Variants in ZPBP observed in about 807,000 individuals in gnomAD.
ZPBP encodes zona pellucida-binding protein 1.
ZPBP carries 26 observed loss-of-function variants against 44.8 expected under a neutral mutation model. The ratio of observed to expected loss-of-function variants is 0.58; its 90% confidence interval spans 0.43 to 0.81. ZPBP has a LOEUF of 0.81. Ranked by LOEUF, ZPBP falls within the 30% of genes least tolerant of loss-of-function variation. ZPBP has a pLI of 0.00. For missense variants in ZPBP, 409 were observed against 434.0 expected (o/e 0.94, Z 0.51); for synonymous variants, 174 against 153.2 (o/e 1.14, Z -1.00).
chr7:49,844,996 C>T, the ZPBP span, among the ~76,000 whole-genome samples: 11 of 152,178 alleles, frequency 7.2e-5, no homozygotes, highest in African/African-American at 2.4e-4. Flanking sequence ...AATTCACTTT[C>T]GTCCTCATTT....
intron 7 of ZPBP, among the ~76,000 whole-genome samples, chr7:49,957,884 T>A (rs1795680337): frequency 6.6e-6 from 1 of 152,146 alleles, no homozygotes. Context: ...CTACAAGAGC[T>A]GTTGTTTGAG....
chr7:50,070,585 A>G (rs1037695483), intron 3 of ZPBP, among the ~76,000 whole-genome samples: 1 of 152,320 alleles, frequency 6.6e-6, no homozygotes, highest in South Asian at 2.1e-4. Flanking sequence ...AGCCCCCAGA[A>G]ATGTAGTGGA....
chr7:49,845,341 T>C, the ZPBP span, among the ~76,000 whole-genome samples: 7 of 152,214 alleles, frequency 4.6e-5, no homozygotes, highest in African/African-American at 1.7e-4. Context: ...TCTAGGACTC[T>C]ATCCATCTGT....
intron 4 of ZPBP, among the ~76,000 whole-genome samples, chr7:50,054,522 C>A (rs1050393888): frequency 6.6e-6 from 1 of 152,036 alleles, no homozygotes; most frequent in Non-Finnish European, 1.5e-5. Flanking sequence ...CCATTTTATA[C>A]CTAGTGTCTT....
intron 7 of ZPBP, among the ~76,000 whole-genome samples, chr7:49,980,310 T>TAAATATATAATATATATAATA (rs1449311668): frequency 9.3e-5 from 3 of 32,200 alleles, no homozygotes; most frequent in East Asian, 5.3e-3. Flanking sequence ...ATATATAATA[T>TAAATATATAATATATATAATA]AAATATATAA....
At chr7:50,028,327 A>G (rs1799430153) in intron 5 of ZPBP, among the ~76,000 whole-genome samples, 2 of 152,026 alleles carry the variant, frequency 1.3e-5, no homozygotes, top group African/African-American at 4.8e-5. Context: ...TAAAAGTAGT[A>G]CTTAACAAAA....
intron 4 of ZPBP, among the ~76,000 whole-genome samples, chr7:50,042,567 TA>T (rs759512640): frequency 2.0e-5 from 3 of 152,060 alleles, no homozygotes; most frequent in Non-Finnish European, 2.9e-5. Context: ...CCAGGCAAAC[TA>T]AGCTTCATAA....
intron 6 of ZPBP, among the ~76,000 whole-genome samples, chr7:49,988,043 C>A (rs573470187): frequency 6.6e-6 from 1 of 151,900 alleles, no homozygotes; most frequent in Admixed American, 6.6e-5. Context: ...ATTAATCTTG[C>A]GAAAGAAATT....
intron 3 of ZPBP, among the ~76,000 whole-genome samples, chr7:50,076,301 C>T (rs918858191): frequency 2.6e-5 from 4 of 151,892 alleles, no homozygotes; most frequent in Non-Finnish European, 4.4e-5. Flanking sequence ...CAACAGACCA[C>T]AGCCAGTATC....
intron 6 of ZPBP, among the ~76,000 whole-genome samples, chr7:49,995,789 T>C (rs1797803526): frequency 6.6e-6 from 1 of 152,196 alleles, no homozygotes. Context: ...AAATATCATA[T>C]GTTCTCATTC....
intron 1 of ZPBP, among the ~76,000 whole-genome samples, chr7:49,924,136 A>T (rs1048088376): frequency 6.7e-5 from 10 of 149,460 alleles, no homozygotes; most frequent in Middle Eastern, 3.5e-3. Flanking sequence ...TAATAATAAT[A>T]AATAATAATA....
chr7:49,877,484 ATAT>A lies in ZPBP; in HGVS notation n.509+23631_509+23633del, dbSNP rs1791480132. Among the ~76,000 whole-genome samples the A allele has an allele frequency of 1.6e-3, 42 of 26,574 alleles. 4 individuals carry two copies. Among genetic ancestry groups the A allele is most frequent in the East Asian group, 8.7e-3 (6 of 686 alleles). 17.4% of individuals were successfully genotyped at this position (26,574 alleles called of 152,430 possible). ...TCTCAAAAAAAAAAAAAAAAAAAAT[ATAT>A]ATATATATATATATATATATATATA... On this transcript the variant is annotated intron_variant and non_coding_transcript_variant, in intron 2 of 2. Transcript: ENST00000465922.
At chr7:49,956,821 C>T (rs1014090765) in intron 7 of ZPBP, among the ~76,000 whole-genome samples, 3 of 151,950 alleles carry the variant, frequency 2.0e-5, no homozygotes, top group Non-Finnish European at 4.4e-5. Context: ...AGCAAAGAAA[C>T]AAGAATAGCT....
At chr7:50,014,924 A>T (rs1209847534) in intron 6 of ZPBP, among the ~76,000 whole-genome samples, 2 of 152,178 alleles carry the variant, frequency 1.3e-5, no homozygotes, top group Non-Finnish European at 2.9e-5. Flanking sequence ...ATAAGATGCT[A>T]ACACAAGATG....
chr7:50,089,799 G>T, intron 1 of ZPBP, 90 bp from the exon 2 acceptor site: 1 of 1,006,980 alleles, frequency 9.9e-7, no homozygotes, highest in South Asian at 1.4e-5. Flanking sequence ...TTGGTTGAAG[G>T]GGAGAGCCAT....
chr7:49,859,974 A>G (rs918835819), intron 2 of ZPBP, among the ~76,000 whole-genome samples: 2 of 151,718 alleles, frequency 1.3e-5, no homozygotes, highest in African/African-American at 2.4e-5. Flanking sequence ...GTATAAATAT[A>G]TACTTATATT....
At chr7:50,034,922 C>G (rs144057745) in intron 4 of ZPBP, among the ~76,000 whole-genome samples, 88 of 152,218 alleles carry the variant, frequency 5.8e-4, no homozygotes, top group Admixed American at 2.7e-3. Context: ...ATTTCTTCCC[C>G]AAATATTGAG....
chr7:49,970,995 G>T (rs1422832042), intron 7 of ZPBP, among the ~76,000 whole-genome samples: 1 of 152,070 alleles, frequency 6.6e-6, no homozygotes, highest in East Asian at 1.9e-4. Context: ...AGTGAGCCAC[G>T]ATTGTGTCAC....
chr7:49,987,522 G>A (rs1797349085), intron 6 of ZPBP, among the ~76,000 whole-genome samples: 1 of 152,102 alleles, frequency 6.6e-6, no homozygotes, highest in African/African-American at 2.4e-5. Context: ...ATTAGAGGTG[G>A]CTAGATCCCT....
Sources: gnomAD v4.1 joint callset for allele counts (sites outside exome capture counted in the v4.1 genomes callset) on GRCh38, gnomAD v4.1.1 for gene constraint, MANE v1.5 for transcripts, NCBI Gene and HGNC (gene_info 2026-07-23, HGNC 2026-07-21) for gene names.